LRFN5: variants seen among roughly 807,000 people sequenced by gnomAD.
The protein encoded by LRFN5 is leucine-rich repeat and fibronectin type-III domain-containing protein 5.
A neutral mutation model predicts 45.6 loss-of-function variants in LRFN5; 24 were observed. That is an observed-to-expected ratio of 0.53 (90% CI 0.38 to 0.74). The LOEUF (loss-of-function observed/expected upper bound fraction) is 0.74. Among genes scored for constraint, LRFN5 ranks in the 30% least tolerant of loss-of-function variants. The pLI, the probability that LRFN5 is intolerant of heterozygous loss-of-function variation, is 0.00. For synonymous variants in LRFN5, 340 were observed against 313.8 expected, an observed-to-expected ratio of 1.08 and a Z score of -0.88; for missense variants, 776 against 861.5, an observed-to-expected ratio of 0.90 and a Z score of 1.24.
chr14:41,660,109 A>T (rs567572617), intron 1 of LRFN5, among the ~76,000 whole-genome samples: 139 of 151,980 alleles, frequency 9.1e-4, no homozygotes, highest in Non-Finnish European at 1.6e-3. Context: ...CGCTGCAACA[A>T]CTGCTTACTG....
chr14:41,764,275 A>T (rs1476649164), intron 1 of LRFN5, among the ~76,000 whole-genome samples: 2 of 152,178 alleles, frequency 1.3e-5, no homozygotes, highest in Admixed American at 6.6e-5. Flanking sequence ...AGCTTGCCCA[A>T]GGTTAGTTGA....
chr14:41,693,742 T>A (rs1026696070), intron 1 of LRFN5, among the ~76,000 whole-genome samples: 7 of 152,070 alleles, frequency 4.6e-5, no homozygotes. Context: ...TTTCTTCTTT[T>A]CTGATCTTTA....
At chr14:41,647,460 T>C (rs1250779383) in intron 1 of LRFN5, among the ~76,000 whole-genome samples, 1 of 152,138 alleles carries the variant, frequency 6.6e-6, no homozygotes, top group Non-Finnish European at 1.5e-5. Context: ...AGGTGGGATG[T>C]AGGTACGTCA....
chr14:41,785,833 T>C (rs1049289588), intron 2 of LRFN5, among the ~76,000 whole-genome samples: 1 of 152,114 alleles, frequency 6.6e-6, no homozygotes, highest in South Asian at 2.1e-4. Context: ...TATACACAGT[T>C]CACAGTGGGG....
At chr14:41,861,561 A>G (rs895601846) in intron 2 of LRFN5, among the ~76,000 whole-genome samples, 1 of 152,124 alleles carries the variant, frequency 6.6e-6, no homozygotes. Context: ...CATGTTTTCC[A>G]TCTTTACTGA....
intron 2 of LRFN5, among the ~76,000 whole-genome samples, chr14:41,782,990 T>TTTTC (rs1555317743): frequency 1.3e-5 from 2 of 151,166 alleles, no homozygotes; most frequent in Middle Eastern, 3.4e-3. Context: ...TTTTTTTTTT[T>TTTTC]CTATTAGATG....
chr14:41,749,315 G>T (rs1206254040), intron 1 of LRFN5, among the ~76,000 whole-genome samples: 3 of 152,104 alleles, frequency 2.0e-5, no homozygotes, highest in African/African-American at 4.8e-5. Context: ...TTGTATTAAT[G>T]CATGCCAGAG....
chr14:41,783,461 G>A (rs540209441), intron 2 of LRFN5, among the ~76,000 whole-genome samples: 31 of 152,066 alleles, frequency 2.0e-4, no homozygotes, highest in African/African-American at 2.4e-4. Context: ...TATTTTGTTC[G>A]GCTCTTTATT....
intron 1 of LRFN5, among the ~76,000 whole-genome samples, chr14:41,627,463 G>C (rs1268826573): frequency 6.6e-6 from 1 of 151,936 alleles, no homozygotes; most frequent in Admixed American, 6.6e-5. Flanking sequence ...ATTCCTCTAG[G>C]TATATTTTCC....
intron 2 of LRFN5, among the ~76,000 whole-genome samples, chr14:41,787,134 T>G (rs1489452647): frequency 2.7e-5 from 4 of 150,234 alleles, no homozygotes; most frequent in Non-Finnish European, 5.9e-5. Flanking sequence ...GATTGACTTT[T>G]TCTGACTTGG....
At chr14:41,758,231 A>T (rs186598944) in intron 1 of LRFN5, among the ~76,000 whole-genome samples, 2 of 152,092 alleles carry the variant, frequency 1.3e-5, no homozygotes, top group Non-Finnish European at 2.9e-5. Context: ...TGTTTTCCAG[A>T]TGTGGCTTGA....
At chr14:41,678,112 T>C (rs747190240) in intron 1 of LRFN5, among the ~76,000 whole-genome samples, 4 of 152,060 alleles carry the variant, frequency 2.6e-5, no homozygotes, top group African/African-American at 4.8e-5. Flanking sequence ...AGCTATATCA[T>C]GCAAACAACA....
At chr14:41,757,542 A>G (rs953835356) in intron 1 of LRFN5, among the ~76,000 whole-genome samples, 3 of 152,198 alleles carry the variant, frequency 2.0e-5, no homozygotes, top group African/African-American at 7.2e-5. Flanking sequence ...CCGTGGGCGT[A>G]GGACCCTCCG....
At chr14:41,811,650 A>T (rs2138992332) in intron 2 of LRFN5, among the ~76,000 whole-genome samples, 1 of 152,234 alleles carries the variant, frequency 6.6e-6, no homozygotes. Context: ...CACTAATGAA[A>T]GGAGCCAGTC....
chr14:41,822,078 C>T (rs1176445064), intron 2 of LRFN5, among the ~76,000 whole-genome samples: 2 of 151,660 alleles, frequency 1.3e-5, no homozygotes, highest in Non-Finnish European at 2.9e-5. Flanking sequence ...TAGCAAGCAT[C>T]CTAGCAAATT....
At chr14:41,813,764 C>T (rs766020886) in intron 2 of LRFN5, among the ~76,000 whole-genome samples, 9 of 152,198 alleles carry the variant, frequency 5.9e-5, no homozygotes, top group African/African-American at 2.4e-5. Context: ...TGAGGAATCG[C>T]TACACTGTCT....
chr14:41,782,052 T>G (rs1384631202), intron 2 of LRFN5, among the ~76,000 whole-genome samples: 6 of 152,006 alleles, frequency 3.9e-5, no homozygotes, highest in Non-Finnish European at 8.8e-5. Flanking sequence ...GGATCTGTAG[T>G]TTAGTGTTTG....
At chr14:41,895,009 T>A (rs184296566) in intron 4 of LRFN5, 1 of 982,690 alleles carries the variant, frequency 1.0e-6, no homozygotes, top group Admixed American at 6.2e-5. Flanking sequence ...ATTTTTCTTT[T>A]ATTTTTGTCA....
chr14:41,856,675 A>ATTATTATTT lies in LRFN5; in HGVS notation c.-20-29929_-20-29928insATTATTTTT. ...TTCTTTCCTAATTATTATTATTATT[A>ATTATTATTT]TTTTTTTTTTTTTTTTTTTGAGACG... On this transcript the variant is annotated intron_variant, in intron 2 of 5. Transcript: ENST00000298119. 3.3e-4 allele frequency among the ~76,000 whole-genome samples: 6 copies of ATTATTATTT among 18,328 alleles called. 1 individual carries two copies. The highest frequency in any genetic ancestry group is 1.3e-3 in the East Asian group (1 of 746). 12.0% of individuals were successfully genotyped at this position (18,328 alleles called of 152,430 possible). A position where few individuals can be genotyped will look rare whatever the true frequency, so the allele number is the denominator to read the frequency against.
Sources: gnomAD v4.1 joint callset for allele counts (sites outside exome capture counted in the v4.1 genomes callset) on GRCh38, gnomAD v4.1.1 for gene constraint, MANE v1.5 for transcripts, NCBI Gene and HGNC (gene_info 2026-07-23, HGNC 2026-07-21) for gene names.